LUZP2: variants seen among roughly 807,000 people sequenced by gnomAD.
LUZP2 encodes the protein leucine zipper protein 2.
LUZP2 carries 52 observed loss-of-function variants against 51.6 expected under a neutral mutation model. The observed-to-expected ratio is 1.01, with a 90% confidence interval of 0.81 to 1.27. LUZP2 has a LOEUF of 1.27. Ranked by LOEUF, LUZP2 falls within the 50% of genes most tolerant of loss-of-function variation. The pLI is 0.00. For missense variants in LUZP2, 436 were observed against 395.4 expected, an observed-to-expected ratio of 1.10 and a Z score of -0.87; for synonymous variants, 154 against 137.3, an observed-to-expected ratio of 1.12 and a Z score of -0.85.
At chr11:24,657,807 G>A (rs1407342120) in intron 1 of LUZP2, among the ~76,000 whole-genome samples, 5 of 152,126 alleles carry the variant, frequency 3.3e-5, no homozygotes, top group Non-Finnish European at 7.3e-5. Flanking sequence ...CAAATCATGA[G>A]TGAACTCCCA....
rs535312287 is a variant in LUZP2, at chr11:24,644,911, A to G, written c.63-84258A>G. ...TTTGGCCAAGCGTTTCAGATAAAAA[A>G]CAAGTGGGGAAAAAGTACAGCACGT... On this transcript the variant is annotated intron_variant, in intron 1 of 11. Transcript: ENST00000336930. Among the ~76,000 whole-genome samples the G allele has an allele frequency of 2.9e-4, 44 of 152,310 alleles. No homozygotes were observed. In the East Asian group the frequency reaches 6.6e-3, roughly 23 times the overall value.
At chr11:24,912,327 C>T (rs1009945377) in intron 6 of LUZP2, among the ~76,000 whole-genome samples, 12 of 151,868 alleles carry the variant, frequency 7.9e-5, no homozygotes, top group African/African-American at 2.9e-4. Context: ...ATGCAGGTGA[C>T]TTATAATAGA....
chr11:25,068,758 C>T (rs1859068634), intron 10 of LUZP2, among the ~76,000 whole-genome samples: 1 of 151,916 alleles, frequency 6.6e-6, no homozygotes, highest in South Asian at 2.1e-4. Context: ...TCAGTATAAA[C>T]ATCACTGCTT....
At chr11:24,973,968 G>A (rs1163249534) in intron 7 of LUZP2, among the ~76,000 whole-genome samples, 3 of 152,018 alleles carry the variant, frequency 2.0e-5, no homozygotes, top group Admixed American at 2.0e-4. Context: ...CCAGAGCTGA[G>A]TTCAGTTCCT....
chr11:24,991,382 G>GTA (rs2133926674), intron 9 of LUZP2, among the ~76,000 whole-genome samples: 1 of 68,434 alleles, frequency 1.5e-5, no homozygotes, highest in African/African-American at 3.7e-5. Context: ...ATATATGTGT[G>GTA]TGTGTGTGTG....
chr11:24,629,529 CAT>C (rs965605595), intron 1 of LUZP2, among the ~76,000 whole-genome samples: 14 of 131,532 alleles, frequency 1.1e-4, no homozygotes, highest in Admixed American at 7.7e-4. Flanking sequence ...TATTCCATTG[CAT>C]ATATATATAT....
rs1269195911 is a variant in LUZP2, at chr11:25,012,209, T to C, written c.765+28916T>C. 3.9e-5 allele frequency among the ~76,000 whole-genome samples: 6 copies of C among 152,300 alleles called. No individual in the cohort carries two copies. In the East Asian group the frequency reaches 7.7e-4, roughly 20 times the overall value. ...CCAGGTCTCTCACTTACGCAAAATA[T>C]AATAACCTCTTAGTCTCTACATCTT... On this transcript the variant is annotated intron_variant, in intron 9 of 11. Transcript: ENST00000336930.
At chr11:24,534,316 A>G (rs1226145805) in intron 1 of LUZP2, among the ~76,000 whole-genome samples, 1 of 151,220 alleles carries the variant, frequency 6.6e-6, no homozygotes, top group Non-Finnish European at 1.5e-5. Flanking sequence ...ACATAAATAC[A>G]TGTATATTTC....
At chr11:24,903,871 G>A (rs1590711030) in intron 5 of LUZP2, among the ~76,000 whole-genome samples, 1 of 152,278 alleles carries the variant, frequency 6.6e-6, no homozygotes. Flanking sequence ...GATATTTAAA[G>A]GGTAACAGAT....
intron 1 of LUZP2, among the ~76,000 whole-genome samples, chr11:24,652,366 G>T (rs912724400): frequency 9.9e-5 from 15 of 151,948 alleles, no homozygotes; most frequent in Non-Finnish European, 2.1e-4. Context: ...TAACAAAGGG[G>T]TCATAAGAAG....
intron 7 of LUZP2, among the ~76,000 whole-genome samples, chr11:24,952,751 G>C (rs1052774861): frequency 2.0e-5 from 3 of 151,902 alleles, no homozygotes; most frequent in Non-Finnish European, 2.9e-5. Context: ...TTGTTCTACT[G>C]TTTGACTTAT....
chr11:24,699,178 C>G (rs1288500990), intron 1 of LUZP2, among the ~76,000 whole-genome samples: 1 of 151,368 alleles, frequency 6.6e-6, no homozygotes, highest in Non-Finnish European at 1.5e-5. Context: ...TTCTTTGAAG[C>G]TTTGTCCCCG....
intron 9 of LUZP2, among the ~76,000 whole-genome samples, chr11:25,033,364 G>T (rs925324055): frequency 6.6e-6 from 1 of 152,004 alleles, no homozygotes; most frequent in South Asian, 2.1e-4. Context: ...TGACCATTTA[G>T]GTTTTTTAAA....
chr11:25,073,688 CCTTCT>C (rs761917827), intron 10 of LUZP2, among the ~76,000 whole-genome samples: 1 of 152,114 alleles, frequency 6.6e-6, no homozygotes, highest in East Asian at 1.9e-4. Context: ...CATTTCCTTT[CCTTCT>C]CTTCTCTCTA....
chr11:24,994,970 A>G (rs918719206), intron 9 of LUZP2, among the ~76,000 whole-genome samples: 7 of 152,180 alleles, frequency 4.6e-5, no homozygotes, highest in Non-Finnish European at 8.8e-5. Flanking sequence ...AAATTATATT[A>G]TACTGTTATA....
intron 1 of LUZP2, among the ~76,000 whole-genome samples, chr11:24,638,352 C>A (rs954705796): frequency 6.6e-6 from 1 of 151,458 alleles, no homozygotes; most frequent in African/African-American, 2.4e-5. Context: ...AATTAAATTT[C>A]TAGCTACAGA....
At chr11:24,866,688 C>T (rs1851908385) in intron 5 of LUZP2, among the ~76,000 whole-genome samples, 1 of 152,112 alleles carries the variant, frequency 6.6e-6, no homozygotes, top group African/African-American at 2.4e-5. Context: ...ATTTGTCTGC[C>T]AACATAGTAG....
intron 1 of LUZP2, among the ~76,000 whole-genome samples, chr11:24,698,728 G>A (rs757667389): frequency 6.6e-6 from 1 of 152,058 alleles, no homozygotes; most frequent in Non-Finnish European, 1.5e-5. Flanking sequence ...GTTTTCTGCA[G>A]CTGCCAGCTT....
At chr11:24,862,593 A>T (rs1851772490) in intron 5 of LUZP2, among the ~76,000 whole-genome samples, 1 of 152,202 alleles carries the variant, frequency 6.6e-6, no homozygotes, top group Non-Finnish European at 1.5e-5. Flanking sequence ...AGACTGGCAA[A>T]CTGGATAAAG....
Sources: allele counts gnomAD v4.1 joint callset (sites outside exome capture counted in the v4.1 genomes callset), GRCh38; gene constraint gnomAD v4.1.1; transcripts MANE v1.5; gene names NCBI Gene and HGNC (gene_info 2026-07-23, HGNC 2026-07-21).